Variants in CTNNBL1 observed in about 807,000 individuals in gnomAD.
CTNNBL1 encodes the protein catenin beta like 1, also known as beta-catenin-like protein 1.
In CTNNBL1, 31 loss-of-function variants were observed where a neutral mutation model predicts 72.7. The observed-to-expected ratio is 0.43, with a 90% CI of 0.32 to 0.58. The LOEUF (loss-of-function observed/expected upper bound fraction) is 0.58. CTNNBL1 is among the 20% of genes least tolerant of loss of function. The pLI is 0.08. For missense variants in CTNNBL1, 534 were observed against 725.1 expected, an observed-to-expected ratio of 0.74 and a Z score of 3.03; for synonymous variants, 240 against 267.3, an observed-to-expected ratio of 0.90 and a Z score of 1.00.
In CTNNBL1 at chr20:37,772,233, C is replaced by CA. The variant is rs138648534; in HGVS notation, c.750+4190dup. Among the ~76,000 whole-genome samples the CA allele has an allele frequency of 9.8e-3, 1,490 of 152,296 alleles. 21 individuals carry two copies. Among genetic ancestry groups the CA allele is most frequent in the African/African-American group, 0.035 (1,438 of 41,560 alleles). On this transcript the variant is annotated intron_variant, in intron 7 of 15. Coordinates refer to ENST00000361383, the MANE Select transcript of CTNNBL1 (RefSeq NM_030877.5). ...CCAGCTGTTCTCAAACTGTGGTTCC[C>CA]AGCCAGGAGCATCAGCATCACCTAG...
intron 11 of CTNNBL1, among the ~76,000 whole-genome samples, chr20:37,819,493 T>C (rs2072086945): frequency 6.6e-6 from 1 of 152,246 alleles, no homozygotes; most frequent in South Asian, 2.1e-4. Context: ...GTCATTGGTA[T>C]ACCTGAGTGT....
At chr20:37,700,450 A>G (rs907014538) in intron 1 of CTNNBL1, among the ~76,000 whole-genome samples, 2 of 152,352 alleles carry the variant, frequency 1.3e-5, no homozygotes, top group Admixed American at 1.3e-4. Flanking sequence ...TTCTACAAGT[A>G]ATAGAGATAG....
intron 11 of CTNNBL1, among the ~76,000 whole-genome samples, chr20:37,827,285 A>C (rs6123028): frequency 0.32 from 48,633 of 152,026 alleles, 8,625 homozygotes; most frequent in South Asian, 0.43. Flanking sequence ...TTTTTGTACA[A>C]GTTTTATTGT....
chr20:37,832,557 A>G (rs2072218508), intron 11 of CTNNBL1, among the ~76,000 whole-genome samples: 1 of 152,196 alleles, frequency 6.6e-6, no homozygotes, highest in South Asian at 2.1e-4. Flanking sequence ...GCCAGAGACA[A>G]GATTTGAATC....
At chr20:37,822,313 A>C (rs1600509674) in intron 11 of CTNNBL1, among the ~76,000 whole-genome samples, 1 of 152,118 alleles carries the variant, frequency 6.6e-6, no homozygotes, top group Non-Finnish European at 1.5e-5. Context: ...GCAAGGACAC[A>C]CTGCTGCTGA....
intron 1 of CTNNBL1, among the ~76,000 whole-genome samples, chr20:37,732,332 A>T (rs1309523177): frequency 6.6e-6 from 1 of 152,232 alleles, no homozygotes; most frequent in African/African-American, 2.4e-5. Flanking sequence ...TTATGTTTGT[A>T]CTATTTGTGA....
At chr20:37,816,254 G>A (rs963158679) in intron 11 of CTNNBL1, among the ~76,000 whole-genome samples, 1 of 152,226 alleles carries the variant, frequency 6.6e-6, no homozygotes, top group Non-Finnish European at 1.5e-5. Flanking sequence ...AAGGATGTGT[G>A]TGTTAGGCTG....
At chr20:37,755,501 C>T (rs1295193413) in intron 4 of CTNNBL1, among the ~76,000 whole-genome samples, 15 of 152,160 alleles carry the variant, frequency 9.9e-5, no homozygotes, top group Non-Finnish European at 1.5e-5. Context: ...GCTCTTTACT[C>T]ATATTAAGTT....
intron 1 of CTNNBL1, among the ~76,000 whole-genome samples, chr20:37,703,881 G>A (rs796464016): frequency 5.0e-4 from 76 of 151,750 alleles, no homozygotes; most frequent in African/African-American, 1.7e-3. Flanking sequence ...GGGTTCAAGC[G>A]ACTCTCCTGC....
At chr20:37,713,459 A>T (rs548038277) in intron 1 of CTNNBL1, among the ~76,000 whole-genome samples, 3 of 152,282 alleles carry the variant, frequency 2.0e-5, no homozygotes, top group Admixed American at 2.0e-4. Flanking sequence ...GTCTTATTTT[A>T]ATTAAAAAAG....
At chr20:37,741,609 T>C (rs944889140) in intron 3 of CTNNBL1, among the ~76,000 whole-genome samples, 28 of 152,218 alleles carry the variant, frequency 1.8e-4, no homozygotes, top group Non-Finnish European at 2.2e-4. Flanking sequence ...GGCCAGAAAC[T>C]GGGATTATTT....
At chr20:37,823,218 C>T (rs1229176052) in intron 11 of CTNNBL1, among the ~76,000 whole-genome samples, 2 of 152,196 alleles carry the variant, frequency 1.3e-5, no homozygotes, top group African/African-American at 4.8e-5. Flanking sequence ...CCAGTAGTCT[C>T]TGAGCATGAA....
intron 11 of CTNNBL1, among the ~76,000 whole-genome samples, chr20:37,827,551 T>C (rs1362026290): frequency 6.6e-6 from 1 of 152,240 alleles, no homozygotes; most frequent in Non-Finnish European, 1.5e-5. Flanking sequence ...CTCCTAACTC[T>C]AGCGTTCTCT....
intron 4 of CTNNBL1, among the ~76,000 whole-genome samples, chr20:37,755,179 G>C (rs2073353534): frequency 6.6e-6 from 1 of 152,144 alleles, no homozygotes; most frequent in Admixed American, 6.5e-5. Flanking sequence ...TAATGCTGCT[G>C]AAAGAATTCC....
intron 13 of CTNNBL1, among the ~76,000 whole-genome samples, chr20:37,844,593 C>T (rs760941394): frequency 1.1e-4 from 16 of 152,140 alleles, no homozygotes; most frequent in South Asian, 2.1e-4. Context: ...TTTGTTTTCT[C>T]ATCTGTAAAA....
At chr20:37,714,854 C>G (rs929817405) in intron 1 of CTNNBL1, among the ~76,000 whole-genome samples, 3 of 152,058 alleles carry the variant, frequency 2.0e-5, no homozygotes, top group Non-Finnish European at 4.4e-5. Context: ...CACTGCTACC[C>G]CACATCAGTA....
At chr20:37,774,949 A>AT (rs1301412797) in intron 7 of CTNNBL1, among the ~76,000 whole-genome samples, 1 of 151,150 alleles carries the variant, frequency 6.6e-6, no homozygotes, top group East Asian at 1.9e-4. Flanking sequence ...AAAAAGTGCT[A>AT]TTTTTTATTT....
intron 1 of CTNNBL1, among the ~76,000 whole-genome samples, chr20:37,723,267 G>A (rs894479249): frequency 6.6e-6 from 1 of 152,122 alleles, no homozygotes; most frequent in Admixed American, 6.5e-5. Context: ...GATTTAAATC[G>A]TACATCACAT....
At chr20:37,766,522 A>G (rs187339457) in intron 6 of CTNNBL1, among the ~76,000 whole-genome samples, 376 of 152,322 alleles carry the variant, frequency 2.5e-3, no homozygotes, top group Non-Finnish European at 4.7e-3. Context: ...GACAGACGGT[A>G]TCGTAGGAGT....
Sources: gnomAD v4.1 joint callset for allele counts (sites outside exome capture counted in the v4.1 genomes callset) on GRCh38, gnomAD v4.1.1 for gene constraint, MANE v1.5 for transcripts, NCBI Gene and HGNC (gene_info 2026-07-23, HGNC 2026-07-21) for gene names.